The following GRIP1 variants were observed in gnomAD, a reference collection of about 807,000 sequenced individuals.
GRIP1 encodes the protein glutamate receptor-interacting protein 1.
GRIP1 carries 45 observed loss-of-function variants against 129.9 expected under a neutral mutation model. The ratio of observed to expected loss-of-function variants is 0.35; its 90% CI spans 0.27 to 0.44. The LOEUF is 0.44. GRIP1 is among the 20% of genes least tolerant of loss of function. The pLI, the probability that GRIP1 is intolerant of heterozygous loss-of-function variation, is 1.00. For missense variants in GRIP1, 1,196 were observed against 1,396.8 expected (o/e 0.86, Z 2.29); for synonymous variants, 530 against 520.8 (o/e 1.02, Z -0.24).
intron 1 of GRIP1, among the ~76,000 whole-genome samples, chr12:66,984,507 T>G (rs2042282845): frequency 6.6e-6 from 1 of 152,196 alleles, no homozygotes; most frequent in Admixed American, 6.6e-5. Context: ...CAGGTATTCT[T>G]CTAAGAGCTT....
intron 1 of GRIP1, among the ~76,000 whole-genome samples, chr12:66,985,974 T>C (rs1022732968): frequency 3.9e-5 from 6 of 152,198 alleles, no homozygotes; most frequent in African/African-American, 1.4e-4. Context: ...ATGTGCTGCT[T>C]ACTTTTTCTC....
chr12:67,030,936 C>G (rs1356947327), intron 1 of GRIP1, among the ~76,000 whole-genome samples: 1 of 151,862 alleles, frequency 6.6e-6, no homozygotes, highest in African/African-American at 2.4e-5. Flanking sequence ...GCTCGGTTAG[C>G]TGTTTTCTTA....
At chr12:66,761,084 G>A (rs2037459962) in intron 1 of GRIP1, among the ~76,000 whole-genome samples, 1 of 151,948 alleles carries the variant, frequency 6.6e-6, no homozygotes, top group South Asian at 2.1e-4. Flanking sequence ...TGTACATCAT[G>A]AGCACAATCA....
intron 1 of GRIP1, among the ~76,000 whole-genome samples, chr12:66,687,621 T>A (rs2034831667): frequency 6.6e-6 from 1 of 152,178 alleles, no homozygotes; most frequent in African/African-American, 2.4e-5. Flanking sequence ...TAGTTCTAAA[T>A]TTTAACTTAA....
chr12:66,747,622 G>T (rs1247866204), intron 1 of GRIP1, among the ~76,000 whole-genome samples: 1 of 152,122 alleles, frequency 6.6e-6, no homozygotes, highest in African/African-American at 2.4e-5. Flanking sequence ...GCTTATTTGG[G>T]GATGAGGGAT....
intron 22 of GRIP1, among the ~76,000 whole-genome samples, chr12:66,372,917 T>C (rs1342558620): frequency 6.6e-6 from 1 of 152,176 alleles, no homozygotes; most frequent in Non-Finnish European, 1.5e-5. Flanking sequence ...CCTGATACCA[T>C]GGGGACAGAA....
At chr12:66,950,454 TCA>T (rs1391927585) in intron 1 of GRIP1, among the ~76,000 whole-genome samples, 1 of 152,190 alleles carries the variant, frequency 6.6e-6, no homozygotes, top group Admixed American at 6.5e-5. Flanking sequence ...AATTTATTAC[TCA>T]GTTTTAACAT....
rs183629489 is a variant in GRIP1, at chr12:66,478,803, C to T, written c.725-13381G>A. 3.8e-3 allele frequency among the ~76,000 whole-genome samples: 579 copies of T among 152,256 alleles called. 1 individual carries two copies. Among genetic ancestry groups the T allele is most frequent in the Non-Finnish European group, 6.0e-3 (411 of 68,010 alleles). On this transcript the variant is annotated intron_variant, in intron 7 of 24. Transcript: ENST00000359742. ...GACAAAAAACCAAACACTGCATGTT[C>T]TCACTCATAGGTGGGAACTGAACAA...
At position 66,765,481 on chromosome 12, in the gene GRIP1, TAA is replaced by T. The variant is rs1203231944; in HGVS notation, c.-420+38570_-420+38571del. On this transcript the variant is annotated intron_variant, in intron 1 of 4. Transcript: ENST00000538373. The stretch of plus-strand genomic sequence containing the variant: ...GAAACAGGAAATGTCATAGTTTTTT[TAA>T]ATTAGATCTTACTTAAAATCAAGAG... 4.6e-5 allele frequency among the ~76,000 whole-genome samples: 7 copies of T among 152,352 alleles called. No homozygotes were observed. In the South Asian group the frequency reaches 6.2e-4, roughly 14 times the overall value.
chr12:67,003,713 A>C (rs1182127133), intron 1 of GRIP1, among the ~76,000 whole-genome samples: 1 of 136,236 alleles, frequency 7.3e-6, no homozygotes, highest in South Asian at 2.3e-4. Flanking sequence ...TGAATAAATA[A>C]ATAAAAATAA....
At chr12:66,812,119 C>G (rs974084556) in intron 1 of GRIP1, among the ~76,000 whole-genome samples, 1 of 152,086 alleles carries the variant, frequency 6.6e-6, no homozygotes, top group Non-Finnish European at 1.5e-5. Context: ...TCTGCCTCTC[C>G]TTTTTACTTT....
chr12:66,431,034 G>C (rs2058132745), intron 14 of GRIP1, among the ~76,000 whole-genome samples: 1 of 152,222 alleles, frequency 6.6e-6, no homozygotes, highest in Non-Finnish European at 1.5e-5. Context: ...CACTCCCACA[G>C]CTAGTTCTGA....
chr12:66,350,756 A>G (rs2054185575), intron 24 of GRIP1, among the ~76,000 whole-genome samples: 1 of 151,860 alleles, frequency 6.6e-6, no homozygotes, highest in Non-Finnish European at 1.5e-5. Flanking sequence ...TATCTTACCT[A>G]CCCCTACCTG....
rs761554394 is a variant in GRIP1, at chr12:66,850,884, T to C, written c.58+218166A>G. Among the ~76,000 whole-genome samples, 61 of 151,206 alleles carry C rather than the reference T, an allele frequency of 4.0e-4. 1 individual carries two copies. Among genetic ancestry groups the C allele is most frequent in the Admixed American group, 2.7e-3 (40 of 15,048 alleles). On this transcript the variant is annotated intron_variant, in intron 1 of 1. Coordinates refer to the GRIP1 transcript ENST00000643019. The stretch of plus-strand genomic sequence containing the variant: ...CCTGGTAATGTCTCCTCTTTTGGGC[T>C]TCTTGGCTTTTAAATTTCACTCCCT...
chr12:66,855,034 ATTATTTATTTAT>A (rs560135894), intron 1 of GRIP1, among the ~76,000 whole-genome samples: 2 of 151,730 alleles, frequency 1.3e-5, no homozygotes, highest in African/African-American at 2.4e-5. Context: ...CTATCTGCTT[ATTATTTATTTAT>A]TTATTTATTT....
intron 15 of GRIP1, among the ~76,000 whole-genome samples, chr12:66,410,642 AAAACAAACAAACAAAC>A (rs377000515): frequency 8.6e-6 from 1 of 115,890 alleles, no homozygotes; most frequent in Admixed American, 8.7e-5. Flanking sequence ...ACTCTGTCTC[AAAACAAACAAACAAAC>A]AAACAAACAA....
At chr12:66,482,909 T>C (rs1007700376) in intron 7 of GRIP1, among the ~76,000 whole-genome samples, 1 of 152,226 alleles carries the variant, frequency 6.6e-6, no homozygotes, top group Non-Finnish European at 1.5e-5. Flanking sequence ...AAATTATTCA[T>C]GGTTAAAGAC....
chr12:66,714,121 G>A (rs143982425), intron 1 of GRIP1, among the ~76,000 whole-genome samples: 85 of 152,000 alleles, frequency 5.6e-4, no homozygotes, highest in Non-Finnish European at 4.4e-5. Context: ...CCACAACTTG[G>A]TATTCTAAAC....
Position 66,596,859 on chromosome 12 carries a change from G to C in GRIP1, c.124C>G (p.Gln42Glu). The change falls in exon 2 of 25, where the codon CAG (glutamine) becomes GAG (glutamate). Residue 42 changes from glutamine to glutamate, a missense_variant. This residue lies in a region of GRIP1 where 217 missense variants were observed against 224.8 expected (regional missense o/e 0.97). Coordinates refer to ENST00000359742, the MANE Select transcript of GRIP1 (RefSeq NM_001366722.1). ...PPDGALAVRRQSIPEEFKGST... is the reference protein window; with the variant it reads ...PPDGALAVRRESIPEEFKGST... ...AGTCTGGTCTAACCTGGGATGCTCT[G>C]TCTCCTCACAGCCAACGCTCCATCA... 6.2e-7 allele frequency: 1 copy of C among 1,611,310 alleles called. No homozygotes were observed. The highest frequency in any genetic ancestry group is 8.5e-7 in the Non-Finnish European group (1 of 1,177,448).
Sources: allele counts gnomAD v4.1 joint callset (sites outside exome capture counted in the v4.1 genomes callset), GRCh38; gene constraint gnomAD v4.1.1; regional missense constraint gnomAD v4.1.1; transcripts MANE v1.5; gene names NCBI Gene and HGNC (gene_info 2026-07-23, HGNC 2026-07-21).